RTKN2: variants seen among roughly 807,000 people sequenced by gnomAD.
RTKN2 encodes rhotekin 2.
A neutral mutation model predicts 71.5 loss-of-function variants in RTKN2; 69 were observed. The observed-to-expected ratio is 0.96, with a 90% CI of 0.79 to 1.18. RTKN2 has a LOEUF of 1.18. RTKN2 is among the 50% of genes most tolerant of loss of function. The pLI is 0.00. For synonymous variants in RTKN2, 236 were observed against 236.5 expected, an observed-to-expected ratio of 1.00 and a Z score of 0.02; for missense variants, 724 against 719.7, an observed-to-expected ratio of 1.01 and a Z score of -0.07.
intron 8 of RTKN2, 126 bp downstream of exon 8, chr10:62,218,069 T>C (rs1165358569): frequency 3.2e-6 from 2 of 630,182 alleles, no homozygotes; most frequent in East Asian, 5.6e-5. Context: ...TGATAACATT[T>C]AGAAAACTGA....
Position 62,268,705 on chromosome 10 carries a change from C to T in RTKN2, c.-95G>A. On this transcript the variant is annotated 5_prime_UTR_variant, in exon 1 of 12. Transcript: ENST00000373789. ...GGAGCCGCAGAGGACGCCAACCGCC[C>T]GGCCGTACCAAGTCCCAGTCGCAGG... 2 of 1,322,424 alleles carry T rather than the reference C, an allele frequency of 1.5e-6. No individual in the cohort carries two copies. The highest frequency in any genetic ancestry group is 2.1e-6 in the Non-Finnish European group (2 of 957,878). 81.9% of individuals were successfully genotyped at this position (1,322,424 alleles called of 1,614,324 possible). A position where few individuals can be genotyped will look rare whatever the true frequency, so the allele number is the denominator to read the frequency against.
chr10:62,261,448 T>G (rs941885052), intron 2 of RTKN2, among the ~76,000 whole-genome samples: 1 of 151,866 alleles, frequency 6.6e-6, no homozygotes, highest in Non-Finnish European at 1.5e-5. Flanking sequence ...GAAACCATCC[T>G]GGCTAACATG....
intron 7 of RTKN2, among the ~76,000 whole-genome samples, chr10:62,222,829 C>T (rs1422679297): frequency 6.6e-6 from 1 of 152,146 alleles, no homozygotes; most frequent in Non-Finnish European, 1.5e-5. Flanking sequence ...CTCTAAATAC[C>T]ACCGCCATCC....
intron 6 of RTKN2, among the ~76,000 whole-genome samples, chr10:62,226,932 G>C (rs543118324): frequency 6.6e-6 from 1 of 152,324 alleles, no homozygotes; most frequent in African/African-American, 2.4e-5. Flanking sequence ...CTGCACTCCA[G>C]CCTGAGTGAC....
intron 6 of RTKN2, among the ~76,000 whole-genome samples, chr10:62,235,256 AT>A: frequency 6.6e-6 from 1 of 152,144 alleles, no homozygotes; most frequent in South Asian, 2.1e-4. Flanking sequence ...GAATTGGGCA[AT>A]ATGAATACAG....
At chr10:62,216,987 C>A (rs1306362419) in intron 9 of RTKN2, 131 bp downstream of exon 9, 3 of 537,394 alleles carry the variant, frequency 5.6e-6, no homozygotes, top group East Asian at 6.5e-5. Flanking sequence ...CAGATTAAAT[C>A]ATATTTATGA....
intron 10 of RTKN2, among the ~76,000 whole-genome samples, chr10:62,202,574 T>C (rs1282011319): frequency 1.3e-5 from 2 of 152,212 alleles, no homozygotes; most frequent in African/African-American, 2.4e-5. Context: ...TGTAATAGAA[T>C]TTGTACTTTA....
intron 10 of RTKN2, among the ~76,000 whole-genome samples, chr10:62,203,624 C>T (rs774003716): frequency 3.9e-5 from 6 of 152,154 alleles, no homozygotes; most frequent in Non-Finnish European, 7.4e-5. Context: ...GGATTACAGG[C>T]GTGAGCCACC....
chr10:62,230,504 G>T (rs1287427612), intron 6 of RTKN2, among the ~76,000 whole-genome samples: 1 of 152,120 alleles, frequency 6.6e-6, no homozygotes, highest in Non-Finnish European at 1.5e-5. Flanking sequence ...AATGATTAAT[G>T]TGGTTAAGTG....
At chr10:62,227,967 T>C (rs1842064966) in intron 6 of RTKN2, among the ~76,000 whole-genome samples, 1 of 152,118 alleles carries the variant, frequency 6.6e-6, no homozygotes, top group Non-Finnish European at 1.5e-5. Context: ...GAAATGAGGC[T>C]GACTGAGAAA....
At chr10:62,207,378 G>C (rs1841568993) in intron 9 of RTKN2, among the ~76,000 whole-genome samples, 1 of 152,042 alleles carries the variant, frequency 6.6e-6, no homozygotes, top group Non-Finnish European at 1.5e-5. Context: ...TGCAGAATTT[G>C]AATTAACTTC....
chr10:62,207,584 T>C (rs1379933479), intron 9 of RTKN2, among the ~76,000 whole-genome samples: 1 of 152,082 alleles, frequency 6.6e-6, no homozygotes, highest in Non-Finnish European at 1.5e-5. Context: ...TAGAAAACAC[T>C]AAGGTGAATT....
chr10:62,215,577 T>C (rs968190137), intron 9 of RTKN2, among the ~76,000 whole-genome samples: 2 of 151,978 alleles, frequency 1.3e-5, no homozygotes, highest in African/African-American at 2.4e-5. Context: ...AATATTATGG[T>C]TATGAAAAAG....
intron 5 of RTKN2, among the ~76,000 whole-genome samples, chr10:62,237,942 C>T (rs183009114): frequency 4.6e-5 from 7 of 151,792 alleles, no homozygotes; most frequent in South Asian, 2.1e-4. Context: ...TCAGACACAA[C>T]GAACTACCTT....
chr10:62,198,650 A>G (rs1211287403), intron 11 of RTKN2, among the ~76,000 whole-genome samples: 1 of 152,102 alleles, frequency 6.6e-6, no homozygotes, highest in Non-Finnish European at 1.5e-5. Context: ...ATGTAAACAT[A>G]CACATAATAC....
At chr10:62,192,952 A>T (rs1318179660), downstream of RTKN2, among the ~76,000 whole-genome samples, 1 of 152,190 alleles carries the variant, frequency 6.6e-6, no homozygotes, top group African/African-American at 2.4e-5. Context: ...ATGAGTATGT[A>T]TGTATGTATG....
intron 6 of RTKN2, among the ~76,000 whole-genome samples, chr10:62,229,091 C>T (rs1334155890): frequency 6.6e-6 from 1 of 152,176 alleles, no homozygotes; most frequent in Non-Finnish European, 1.5e-5. Context: ...TTCATCTATT[C>T]CTCATGAGTA....
intron 2 of RTKN2, among the ~76,000 whole-genome samples, chr10:62,258,237 C>T (rs990957975): frequency 6.6e-6 from 1 of 152,184 alleles, no homozygotes; most frequent in African/African-American, 2.4e-5. Flanking sequence ...TAAGTCAATG[C>T]ATACAATGAA....
At chr10:62,225,668 C>A (rs1050964370) in intron 6 of RTKN2, among the ~76,000 whole-genome samples, 18 of 152,148 alleles carry the variant, frequency 1.2e-4, no homozygotes, top group African/African-American at 4.1e-4. Context: ...GTGGTACTTA[C>A]GTTAAAATAG....
Sources: gnomAD v4.1 joint callset for allele counts (sites outside exome capture counted in the v4.1 genomes callset) on GRCh38, gnomAD v4.1.1 for gene constraint, MANE v1.5 for transcripts, NCBI Gene and HGNC (gene_info 2026-07-23, HGNC 2026-07-21) for gene names.